The following RYR2 variants were observed in gnomAD, a reference collection of about 807,000 sequenced individuals.
RYR2 encodes ryanodine receptor 2, also known as cardiac muscle ryanodine receptor-calcium release channel.
Under a neutral mutation model 601.1 loss-of-function variants are expected in RYR2, and 227 were observed. That is an observed-to-expected ratio of 0.38 (90% CI 0.34 to 0.42). The LOEUF (loss-of-function observed/expected upper bound fraction) is 0.42, where lower values mean the gene tolerates loss of function less well. Ranked by LOEUF, RYR2 falls within the 10% of genes least tolerant of loss-of-function variation. The pLI, the probability that RYR2 is intolerant of heterozygous loss-of-function variation, is 1.00. For missense variants in RYR2, 4,646 were observed against 6,156.5 expected (o/e 0.75, Z 8.21); for synonymous variants, 2,223 against 2,175.1 (o/e 1.02, Z -0.61).
chr1:237,582,779 T>A (rs1213796255), intron 29 of RYR2, among the ~76,000 whole-genome samples: 1 of 152,182 alleles, frequency 6.6e-6, no homozygotes, highest in East Asian at 1.9e-4. Flanking sequence ...TATTTCATGA[T>A]GTATGTGTAC....
intron 2 of RYR2, among the ~76,000 whole-genome samples, chr1:237,299,910 G>C (rs1173701670): frequency 6.6e-6 from 1 of 152,106 alleles, no homozygotes; most frequent in African/African-American, 2.4e-5. Context: ...GTAGTGTTTA[G>C]AAAATAATTT....
At chr1:237,671,431 C>T (rs892446653) in intron 58 of RYR2, among the ~76,000 whole-genome samples, 1 of 151,854 alleles carries the variant, frequency 6.6e-6, no homozygotes, top group African/African-American at 2.4e-5. Context: ...TTGCATCCTG[C>T]CAGCTCTACT....
At chr1:237,449,356 C>T (rs1657785304) in intron 14 of RYR2, among the ~76,000 whole-genome samples, 1 of 152,018 alleles carries the variant, frequency 6.6e-6, no homozygotes, top group Non-Finnish European at 1.5e-5. Context: ...CACAGTCTAC[C>T]TTTAATTGAT....
At chr1:237,400,984 G>T (rs1703302189) in intron 10 of RYR2, among the ~76,000 whole-genome samples, 1 of 152,144 alleles carries the variant, frequency 6.6e-6, no homozygotes, top group African/African-American at 2.4e-5. Flanking sequence ...GGACCTCAAA[G>T]AACTGTATCC....
At chr1:237,220,374 G>A (rs1431689103) in intron 1 of RYR2, among the ~76,000 whole-genome samples, 1 of 152,176 alleles carries the variant, frequency 6.6e-6, no homozygotes, top group African/African-American at 2.4e-5. Context: ...GGCCTCCTGG[G>A]GGCTCTCAGG....
rs559126966 is a variant in RYR2 at position 237,150,171 on chromosome 1, G to T, written c.48+107602G>T. Among the ~76,000 whole-genome samples, 6 of 152,150 alleles carry T rather than the reference G, an allele frequency of 3.9e-5. No homozygotes were observed. In the South Asian group the frequency reaches 1.0e-3, roughly 26 times the overall value. ...GGTTTGGAAATCTTAAATAACTTTC[G>T]CAAGGACATGCAAGTGTATGTAGCA... On this transcript the variant is annotated intron_variant, in intron 1 of 104. Transcript: ENST00000366574.
intron 48 of RYR2, among the ~76,000 whole-genome samples, chr1:237,647,063 A>T (rs1682241931): frequency 6.6e-6 from 1 of 152,222 alleles, no homozygotes; most frequent in Admixed American, 6.5e-5. Context: ...TTAAGATAAT[A>T]GAACACTGTA....
intron 63 of RYR2, among the ~76,000 whole-genome samples, chr1:237,688,111 G>A (rs1185516580): frequency 1.3e-5 from 2 of 152,214 alleles, no homozygotes; most frequent in Non-Finnish European, 2.9e-5. Flanking sequence ...GGACAGCCAT[G>A]CAGGGTGGGC....
At chr1:237,188,829 G>A (rs532663655) in intron 1 of RYR2, among the ~76,000 whole-genome samples, 7 of 152,200 alleles carry the variant, frequency 4.6e-5, no homozygotes, top group South Asian at 2.1e-4. Flanking sequence ...TTGTAGACTC[G>A]ATGCGGACTG....
intron 1 of RYR2, among the ~76,000 whole-genome samples, chr1:237,218,293 A>T (rs1683404805): frequency 6.6e-6 from 1 of 152,182 alleles, no homozygotes; most frequent in Non-Finnish European, 1.5e-5. Context: ...CGATGTGCAT[A>T]GCTTCTTTTC....
intron 1 of RYR2, among the ~76,000 whole-genome samples, chr1:237,043,573 A>G (rs1660199950): frequency 6.6e-6 from 1 of 152,120 alleles, no homozygotes. Context: ...GCCTCTCCAG[A>G]AAAGAAAATG....
At chr1:237,238,192 A>G (rs896294059) in intron 1 of RYR2, among the ~76,000 whole-genome samples, 1 of 151,334 alleles carries the variant, frequency 6.6e-6, no homozygotes, top group Non-Finnish European at 1.5e-5. Context: ...CTGGTCTTGA[A>G]CTCTTGGGCT....
intron 1 of RYR2, among the ~76,000 whole-genome samples, chr1:237,231,857 T>C (rs2149192248): frequency 6.6e-6 from 1 of 152,286 alleles, no homozygotes; most frequent in South Asian, 2.1e-4. Context: ...GCAGCATGGA[T>C]ATCTCTTCTT....
chr1:237,102,907 C>T (rs375473952), intron 1 of RYR2, among the ~76,000 whole-genome samples: 7 of 152,120 alleles, frequency 4.6e-5, no homozygotes, highest in Non-Finnish European at 7.4e-5. Flanking sequence ...ATAAAATACA[C>T]GTATAAAACT....
intron 25 of RYR2, among the ~76,000 whole-genome samples, chr1:237,540,295 T>G (rs72767774): frequency 4.6e-5 from 7 of 152,176 alleles, no homozygotes; most frequent in Non-Finnish European, 8.8e-5. Flanking sequence ...AGCTGTAGAT[T>G]TAAATGAAAA....
At chr1:237,808,645 ACT>A (rs1209364599) in intron 99 of RYR2, among the ~76,000 whole-genome samples, 4 of 139,594 alleles carry the variant, frequency 2.9e-5, no homozygotes, top group African/African-American at 5.7e-5. Flanking sequence ...GGTGACAGAA[ACT>A]CTGTCTCAAA....
intron 17 of RYR2, among the ~76,000 whole-genome samples, chr1:237,479,901 A>T (rs1194905631): frequency 6.6e-6 from 1 of 152,186 alleles, no homozygotes; most frequent in Non-Finnish European, 1.5e-5. Flanking sequence ...CACAGCTCAG[A>T]TGTCACCTTT....
intron 12 of RYR2, among the ~76,000 whole-genome samples, chr1:237,426,331 G>C (rs560462954): frequency 1.3e-5 from 2 of 152,270 alleles, no homozygotes; most frequent in South Asian, 4.1e-4. Flanking sequence ...CAAAGCATCT[G>C]TATCTATATA....
At chr1:237,804,915 AC>A (rs1660445677) in intron 98 of RYR2, among the ~76,000 whole-genome samples, 1 of 152,212 alleles carries the variant, frequency 6.6e-6, no homozygotes, top group Non-Finnish European at 1.5e-5. Flanking sequence ...GTTCTTCTCT[AC>A]TGGGGAACAG....
Sources: allele counts gnomAD v4.1 joint callset (sites outside exome capture counted in the v4.1 genomes callset), GRCh38; gene constraint gnomAD v4.1.1; transcripts MANE v1.5; gene names NCBI Gene and HGNC (gene_info 2026-07-23, HGNC 2026-07-21).